Variants in TJP3 observed in about 807,000 individuals in gnomAD.
TJP3 encodes the protein tight junction protein ZO-3.
A neutral mutation model predicts 104.2 loss-of-function variants in TJP3; 85 were observed. The ratio of observed to expected loss-of-function variants is 0.82; its 90% confidence interval spans 0.68 to 0.98. TJP3 has a LOEUF of 0.98. Ranked by LOEUF, TJP3 falls within the 50% of genes least tolerant of loss-of-function variation. The pLI, the probability that TJP3 is intolerant of heterozygous loss-of-function variation, is 0.00. For synonymous variants in TJP3, 550 were observed against 550.6 expected (o/e 1.00, Z 0.02); for missense variants, 1,367 against 1,322.8 (o/e 1.03, Z -0.52).
Position 3,747,937 on chromosome 19 carries a change from C to T in TJP3, c.2466C>T (p.Tyr822=), listed in dbSNP as rs766018960. The change falls in exon 19 of 21, where the codon TAC becomes TAT. Residue 822 remains tyrosine (Y), a synonymous_variant. Transcript: ENST00000541714. ...EGGAYTDGEG[Y]TDGEGGPYTD... ...GCGCGTACACGGATGGCGAGGGCTA[C>T]ACAGACGGCGAGGGGGGGCCCTACA... 17 of 1,613,164 alleles carry T rather than the reference C, an allele frequency of 1.1e-5. No homozygotes were observed. Among genetic ancestry groups the T allele is most frequent in the Middle Eastern group, 1.7e-4 (1 of 6,052 alleles).
intron 1 of TJP3, among the ~76,000 whole-genome samples, chr19:3,720,048 A>G (rs909158057): frequency 4.6e-5 from 7 of 152,138 alleles, no homozygotes; most frequent in Admixed American, 6.5e-5. Flanking sequence ...CCTGGCCTCT[A>G]CGCCCCTTTT....
chr19:3,718,209 AAAAGTGTGTGTGTGTGT>A (rs1205278322), intron 1 of TJP3, among the ~76,000 whole-genome samples: 4 of 103,186 alleles, frequency 3.9e-5, no homozygotes, highest in Admixed American at 1.2e-4. Flanking sequence ...AAAAAAAAAA[AAAAGTGTGTGTGTGTGT>A]GTGTGTGTGT....
chr19:3,709,413 A>T (rs1403523351), intron 1 of TJP3, among the ~76,000 whole-genome samples: 1 of 151,534 alleles, frequency 6.6e-6, no homozygotes, highest in Non-Finnish European at 1.5e-5. Flanking sequence ...TCTAATCTTT[A>T]CTCCTCCGAG....
At chr19:3,733,220 G>C (rs374825623) in intron 6 of TJP3, among the ~76,000 whole-genome samples, 64 of 151,148 alleles carry the variant, frequency 4.2e-4, no homozygotes, top group African/African-American at 1.5e-3. Flanking sequence ...ATTTTTAGTA[G>C]AGACAGGGTT....
Position 3,738,638 on chromosome 19 carries a change from G to C in TJP3, c.1368G>C (p.Glu456Asp). The C allele has an allele frequency of 6.2e-7, 1 of 1,613,832 alleles. No individual in the cohort carries two copies. Among genetic ancestry groups the C allele is most frequent in the Non-Finnish European group, 8.5e-7 (1 of 1,179,950 alleles). Residue 456 changes from glutamate (E) to aspartate (D), a missense_variant, in exon 12 of 21, where the codon GAG (glutamate) becomes GAC (aspartate). Glu to Asp is a conservative substitution (Grantham distance 45). Coordinates refer to ENST00000541714, the MANE Select transcript of TJP3 (RefSeq NM_001267560.2). ...GGCTGCCACCAGGCGAGGAGATGGA[G>C]CTGGTGACGCAGAGGAAGCAGGACA... ...LLGLPPGEEM[E>D]LVTQRKQDIF...
At chr19:3,734,050 ACAG>A in intron 7 of TJP3, 138 bp downstream of exon 7, 2 of 1,201,598 alleles carry the variant, frequency 1.7e-6, no homozygotes, top group Non-Finnish European at 2.3e-6. Context: ...TGAAGGCCAC[ACAG>A]CAAGTCAAGA....
chr19:3,732,857 C>T (rs1217047889), intron 6 of TJP3, among the ~76,000 whole-genome samples: 1 of 151,830 alleles, frequency 6.6e-6, no homozygotes, highest in East Asian at 1.9e-4. Flanking sequence ...CTTGGTCAGG[C>T]TGGTCTCGAA....
At position 3,749,707 on chromosome 19, in the gene TJP3, C is replaced by A. The variant is rs534039050; in HGVS notation, c.2611-431C>A. On this transcript the variant is annotated intron_variant, in intron 19 of 20. Transcript: ENST00000541714. ...GCTCTTAGTGTATATGCCTCAGCAT[C>A]TTCTTCCACACCCTCTCTAGGTCAA... 440 of 188,712 alleles carry A rather than the reference C, an allele frequency of 2.3e-3. 5 individuals are homozygous for A. The highest frequency in any genetic ancestry group is 2.4e-3 in the Non-Finnish European group (218 of 91,406). 11.7% of individuals were successfully genotyped at this position (188,712 alleles called of 1,614,324 possible). A position where few individuals can be genotyped will look rare whatever the true frequency, so the allele number is the denominator to read the frequency against.
rs1332057537 is a variant in TJP3, at chr19:3,736,165, G to A, written c.1128G>A (p.Gly376=). Residue 376 remains glycine (G), a splice_region_variant and synonymous_variant, in exon 11 of 21, where the codon GGG becomes GGA. Coordinates refer to ENST00000541714, the MANE Select transcript of TJP3 (RefSeq NM_001267560.2). ...ACCCCATCTCTGCCTCCCCTTGCAGGTACAGCCCCGACACGCGTGTGGTCC... is the reference window on the plus strand; with the variant it reads ...ACCCCATCTCTGCCTCCCCTTGCAGATACAGCCCCGACACGCGTGTGGTCC... ...VPSSQSMEDR[G]YSPDTRVVRF... 2 of 1,586,358 alleles carry A rather than the reference G, an allele frequency of 1.3e-6. No homozygotes were observed. The highest frequency in any genetic ancestry group is 1.7e-5 in the Admixed American group (1 of 57,612).
rs200822795 is a variant in TJP3, at chr19:3,746,060, C to G, written c.1989C>G (p.Thr663=). Residue 663 remains threonine (T), a synonymous_variant, in exon 16 of 21, where the codon ACC becomes ACG. Transcript: ENST00000541714. This position sits in a 1 kb window ranked among gnomAD's most constrained non-coding sequence, Gnocchi z 4.1. ...DSPSKIIKLD[T]VRVIAEKDKH... ...CCTCCAAGATCATCAAACTAGACACCGTGCGGGTGATTGCAGAAAAAGTAA... is the reference window on the plus strand; with the variant it reads ...CCTCCAAGATCATCAAACTAGACACGGTGCGGGTGATTGCAGAAAAAGTAA... 2 of 1,609,850 alleles carry G rather than the reference C, an allele frequency of 1.2e-6. No individual in the cohort carries two copies. The highest frequency in any genetic ancestry group is 1.7e-6 in the Non-Finnish European group (2 of 1,177,982).
rs1362775459 is a variant in TJP3 at position 3,740,625 on chromosome 19, A to C, written c.1705A>C (p.Asn569His). The C allele has an allele frequency of 6.3e-7, 1 of 1,590,004 alleles. No individual in the cohort carries two copies. ...GVGPGSSAGSNARAEFWRLRG... is the reference protein window; with the variant it reads ...GVGPGSSAGSHARAEFWRLRG... ...CGGGCCCGGCTCCTCCGCGGGCTCCAATGCTCGGGCCGAGTTCTGGCGGCT... is the reference window on the plus strand; with the variant it reads ...CGGGCCCGGCTCCTCCGCGGGCTCCCATGCTCGGGCCGAGTTCTGGCGGCT... The change falls in exon 14 of 21, where the codon AAT becomes CAT. Residue 569 changes from asparagine (N) to histidine (H), a missense_variant. Coordinates refer to ENST00000541714, the MANE Select transcript of TJP3 (RefSeq NM_001267560.2).
chr19:3,747,751 G>T, intron 18 of TJP3, 43 bp from the exon 19 acceptor site: 2 of 1,497,884 alleles, frequency 1.3e-6, no homozygotes, highest in Non-Finnish European at 1.8e-6. Context: ...GGCAGCTGGG[G>T]TCCTGGCCAG....
chr19:3,746,642 G>A lies in TJP3; in HGVS notation c.2168G>A (p.Arg723His), dbSNP rs370766855. ...LAPASRRSTR[R>H]LYAQAQKLRK... Reference sequence around the variant, plus strand: ...CCTGCCTCCCGCCGCAGCACCCGTCGCCTCTACGCACAAGCCCAGAAGCTG... The same window carrying A: ...CCTGCCTCCCGCCGCAGCACCCGTCACCTCTACGCACAAGCCCAGAAGCTG... Residue 723 changes from arginine (R) to histidine (H), a missense_variant, in exon 17 of 21, where the codon CGC becomes CAC. Coordinates refer to ENST00000541714, the MANE Select transcript of TJP3 (RefSeq NM_001267560.2). This position sits in a 1 kb window ranked among gnomAD's most constrained non-coding sequence, Gnocchi z 4.1. 28 of 1,613,170 alleles carry A rather than the reference G, an allele frequency of 1.7e-5. No homozygotes were observed. Among genetic ancestry groups the A allele is most frequent in the African/African-American group, 1.3e-4 (10 of 74,932 alleles).
In TJP3 at chr19:3,748,375, G is replaced by T. The variant is rs978974047; in HGVS notation, c.2610+294G>T. On this transcript the variant is annotated intron_variant, in intron 19 of 20. Transcript: ENST00000541714. ...CAACCTCCACCTCCCAGGTTCAAGC[G>T]ATTCTCCTGCCTCAGCCTCCTGAGT... Among the ~76,000 whole-genome samples the T allele has an allele frequency of 3.3e-5, 5 of 149,972 alleles. No individual in the cohort carries two copies. In the Admixed American group the frequency reaches 3.4e-4, roughly 10 times the overall value.
intron 1 of TJP3, among the ~76,000 whole-genome samples, chr19:3,710,368 C>G (rs1367730170): frequency 6.6e-6 from 1 of 152,084 alleles, no homozygotes; most frequent in Non-Finnish European, 1.5e-5. Context: ...GGCCGCACAG[C>G]CAAGTAGAAA....
Position 3,730,341 on chromosome 19 carries a change from C to T in TJP3, c.262-14C>T. The stretch of plus-strand genomic sequence containing the variant: ...TTGCCTGTAGCTGACCCTTCCTGTC[C>T]CCTCCTCTAACAGACAGTGAAACGT... On this transcript the variant is annotated splice_polypyrimidine_tract_variant and intron_variant, in intron 4 of 20. Transcript: ENST00000541714. The surrounding 1 kb of genome is among the most constrained non-coding windows in gnomAD (Gnocchi z 7.3). 1 of 1,506,858 alleles carries T rather than the reference C, an allele frequency of 6.6e-7. No homozygotes were observed. The highest frequency in any genetic ancestry group is 8.9e-7 in the Non-Finnish European group (1 of 1,125,982). 93.3% of individuals were successfully genotyped at this position (1,506,858 alleles called of 1,614,324 possible). A position where few individuals can be genotyped will look rare whatever the true frequency, so the allele number is the denominator to read the frequency against.
At chr19:3,750,235 C>CA (rs767200096) in intron 20 of TJP3, 51 bp downstream of exon 20, 25 of 1,611,078 alleles carry the variant, frequency 1.6e-5, no homozygotes, top group Non-Finnish European at 2.0e-5. Context: ...CCTTGGGACT[C>CA]AGACTCTGCG....
rs139457427 is a variant in TJP3 at position 3,743,031 on chromosome 19, C to T, written c.1844-908C>T. Reference sequence around the variant, plus strand: ...CTGTAATCCCAGCACTTTGGGAGGCCGAGGCGGGCGGATCACGAGGTCAGG... The same window carrying T: ...CTGTAATCCCAGCACTTTGGGAGGCTGAGGCGGGCGGATCACGAGGTCAGG... On this transcript the variant is annotated intron_variant, in intron 14 of 20. Transcript: ENST00000541714. Among the ~76,000 whole-genome samples, 181 of 151,470 alleles carry T rather than the reference C, an allele frequency of 1.2e-3. 2 individuals are homozygous for T. The East Asian group carries it at 0.031, about 26-fold the overall frequency.
At chr19:3,712,329 C>A (rs1451010798) in intron 1 of TJP3, among the ~76,000 whole-genome samples, 2 of 151,960 alleles carry the variant, frequency 1.3e-5, no homozygotes, top group South Asian at 4.2e-4. Flanking sequence ...AATGTCATTC[C>A]GTGCCCAGAA....
Sources: gnomAD v4.1 joint callset for allele counts (sites outside exome capture counted in the v4.1 genomes callset) on GRCh38, gnomAD v4.1.1 for gene constraint, Gnocchi (gnomAD v3.1) non-coding constraint, MANE v1.5 for transcripts, NCBI Gene and HGNC (gene_info 2026-07-23, HGNC 2026-07-21) for gene names.